Variants in CREB3L2 observed in about 807,000 individuals in gnomAD.
The protein encoded by CREB3L2 is cAMP responsive element binding protein 3 like 2, also known as cyclic AMP-responsive element-binding protein 3-like protein 2.
CREB3L2 carries 23 observed loss-of-function variants against 57.2 expected under a neutral mutation model. The ratio of observed to expected loss-of-function variants is 0.40; its 90% confidence interval spans 0.29 to 0.57. The LOEUF is 0.57. Ranked by LOEUF, CREB3L2 falls within the 20% of genes least tolerant of loss-of-function variation. The pLI is 0.42. For synonymous variants in CREB3L2, 268 were observed against 265.1 expected, an observed-to-expected ratio of 1.01 and a Z score of -0.11; for missense variants, 628 against 634.7, an observed-to-expected ratio of 0.99 and a Z score of 0.11.
At position 137,875,998 on chromosome 7, in the gene CREB3L2, C is replaced by T. The variant is rs919173788; in HGVS notation, c.*4478G>A. 2.6e-5 allele frequency: 6 copies of T among 228,810 alleles called. No individual in the cohort carries two copies. Among genetic ancestry groups the T allele is most frequent in the Middle Eastern group, 1.3e-3 (1 of 756 alleles). 14.2% of individuals were successfully genotyped at this position (228,810 alleles called of 1,614,324 possible). A position where few individuals can be genotyped will look rare whatever the true frequency, so the allele number is the denominator to read the frequency against. ...CATTAATCTTCAAATGAGCCAGGTT[C>T]CTTTGCCCTGAGAAATGTTCCGCTA... On this transcript the variant is annotated 3_prime_UTR_variant, in exon 12 of 12. Transcript: ENST00000330387.
At chr7:137,999,379 T>TACAC (rs60762009) in intron 1 of CREB3L2, among the ~76,000 whole-genome samples, 16,820 of 142,058 alleles carry the variant, frequency 0.12, 1,336 homozygotes, top group Admixed American at 0.26. Flanking sequence ...TATGTTCCCC[T>TACAC]ACACACACAC....
intron 1 of CREB3L2, among the ~76,000 whole-genome samples, chr7:137,936,408 T>C (rs1192374135): frequency 6.6e-6 from 1 of 152,170 alleles, no homozygotes. Flanking sequence ...TCAGTCTGCC[T>C]CTTCTAGACT....
chr7:137,992,953 C>T (rs541703331), intron 1 of CREB3L2, among the ~76,000 whole-genome samples: 3 of 152,126 alleles, frequency 2.0e-5, no homozygotes, highest in Admixed American at 6.5e-5. Flanking sequence ...CTGGTGACCA[C>T]GCACTTGAGA....
At chr7:137,937,159 A>C (rs942655571) in intron 1 of CREB3L2, among the ~76,000 whole-genome samples, 1 of 152,194 alleles carries the variant, frequency 6.6e-6, no homozygotes, top group Non-Finnish European at 1.5e-5. Flanking sequence ...GCAGGAGAAG[A>C]AGCCTCTGTA....
intron 1 of CREB3L2, among the ~76,000 whole-genome samples, chr7:137,941,847 G>A (rs1446080370): frequency 2.0e-5 from 3 of 152,124 alleles, no homozygotes; most frequent in East Asian, 3.8e-4. Context: ...TACATGCCTC[G>A]CTAAAACTGG....
At chr7:137,920,027 G>A (rs1800236378) in intron 2 of CREB3L2, among the ~76,000 whole-genome samples, 1 of 152,214 alleles carries the variant, frequency 6.6e-6, no homozygotes, top group Non-Finnish European at 1.5e-5. Flanking sequence ...TAATTATTGG[G>A]TAGAGGTTGT....
intron 1 of CREB3L2, among the ~76,000 whole-genome samples, chr7:137,932,263 C>T (rs1457444974): frequency 6.6e-6 from 1 of 152,262 alleles, no homozygotes; most frequent in South Asian, 2.1e-4. Flanking sequence ...GGAACCCTCA[C>T]ATTTTTATTG....
intron 1 of CREB3L2, among the ~76,000 whole-genome samples, chr7:137,929,833 C>G: frequency 6.6e-6 from 1 of 150,456 alleles, no homozygotes. Context: ...CGAGCCACTG[C>G]ACTCCAGCCC....
chr7:137,898,563 T>C (rs1404601258), intron 8 of CREB3L2, among the ~76,000 whole-genome samples: 2 of 152,248 alleles, frequency 1.3e-5, no homozygotes, highest in South Asian at 4.1e-4. Context: ...CCTAATGTAT[T>C]GATCTCTCTA....
intron 1 of CREB3L2, among the ~76,000 whole-genome samples, chr7:137,961,508 C>T (rs1408533845): frequency 1.3e-5 from 2 of 152,168 alleles, no homozygotes; most frequent in South Asian, 2.1e-4. Context: ...AGGCAGAGGC[C>T]CTTTATCCCA....
At chr7:137,953,303 T>C in intron 1 of CREB3L2, 1 of 383,144 alleles carries the variant, frequency 2.6e-6, no homozygotes, top group Non-Finnish European at 5.1e-6. Flanking sequence ...GAAAACCTGC[T>C]TACCGCTTAG....
At chr7:137,917,950 A>G (rs1250815140) in intron 2 of CREB3L2, among the ~76,000 whole-genome samples, 1 of 152,092 alleles carries the variant, frequency 6.6e-6, no homozygotes, top group Non-Finnish European at 1.5e-5. Context: ...GGGCTCTCTG[A>G]TGGCGGCCAG....
At chr7:137,959,980 T>C (rs1245795585) in intron 1 of CREB3L2, among the ~76,000 whole-genome samples, 1 of 152,326 alleles carries the variant, frequency 6.6e-6, no homozygotes, top group East Asian at 1.9e-4. Flanking sequence ...TTTAGAATTC[T>C]CATGGCTTCA....
rs746650091 is a variant in CREB3L2 at position 137,928,144 on chromosome 7, G to A, written c.319+6C>T. 6.5e-6 allele frequency: 10 copies of A among 1,548,528 alleles called. No individual in the cohort carries two copies. The highest frequency in any genetic ancestry group is 7.0e-6 in the Non-Finnish European group (8 of 1,147,440). On this transcript the variant is annotated splice_donor_region_variant and intron_variant, in intron 2 of 11. Coordinates refer to ENST00000330387, the MANE Select transcript of CREB3L2 (RefSeq NM_194071.4). ...GGTCCAGGTCTTCCTCCTCCTCTGA[G>A]TTTACCGTCATTGAAGCTGTCACTG...
intron 7 of CREB3L2, among the ~76,000 whole-genome samples, chr7:137,902,237 G>A (rs925073475): frequency 1.2e-4 from 18 of 149,876 alleles, no homozygotes; most frequent in Non-Finnish European, 2.1e-4. Context: ...ATGAGTGCCT[G>A]AATAATGAAA....
chr7:137,880,595 G>A lies in CREB3L2; in HGVS notation c.1488-44C>T. The A allele has an allele frequency of 2.1e-6, 3 of 1,455,642 alleles. No individual in the cohort carries two copies. Among genetic ancestry groups the A allele is most frequent in the Middle Eastern group, 1.7e-4 (1 of 5,796 alleles). 90.2% of individuals were successfully genotyped at this position (1,455,642 alleles called of 1,614,324 possible). The stretch of plus-strand genomic sequence containing the variant: ...GAAAACGAAGTATTAGTCACCAGCT[G>A]TTAGCTACAATTCTCATGCTTTGTA... On this transcript the variant is annotated intron_variant, in intron 11 of 11. Transcript: ENST00000330387. The surrounding 1 kb of genome is among the most constrained non-coding windows in gnomAD (Gnocchi z 4.0).
intron 1 of CREB3L2, among the ~76,000 whole-genome samples, chr7:137,991,016 G>C (rs1053702527): frequency 2.6e-5 from 4 of 151,908 alleles, no homozygotes; most frequent in Non-Finnish European, 5.9e-5. Flanking sequence ...TTTTGTCTGG[G>C]TTTCACTTAA....
chr7:137,933,226 A>C (rs1563258185), intron 1 of CREB3L2, among the ~76,000 whole-genome samples: 2 of 152,226 alleles, frequency 1.3e-5, no homozygotes, highest in Non-Finnish European at 2.9e-5. Context: ...TGTAACACGC[A>C]AATGCAAGAG....
intron 1 of CREB3L2, among the ~76,000 whole-genome samples, chr7:137,933,032 T>C (rs931006965): frequency 6.6e-6 from 1 of 152,168 alleles, no homozygotes; most frequent in Non-Finnish European, 1.5e-5. Flanking sequence ...AGCAGAACAG[T>C]GGCAAGGCTA....
Sources: gnomAD v4.1 joint callset for allele counts (sites outside exome capture counted in the v4.1 genomes callset) on GRCh38, gnomAD v4.1.1 for gene constraint, Gnocchi (gnomAD v3.1) non-coding constraint, MANE v1.5 for transcripts, NCBI Gene and HGNC (gene_info 2026-07-23, HGNC 2026-07-21) for gene names.